Variants in BTG4 observed in about 807,000 individuals in gnomAD.
BTG4 encodes BTG anti-proliferation factor 4.
In BTG4, 10 loss-of-function variants were observed where a neutral mutation model predicts 19.3. That is an observed-to-expected ratio of 0.52 (90% confidence interval 0.32 to 0.88). The LOEUF (loss-of-function observed/expected upper bound fraction) is 0.88, where lower values mean the gene tolerates loss of function less well. BTG4 is among the 40% of genes least tolerant of loss of function. The probability of loss-of-function intolerance (pLI) is 0.04; values close to 1 mark genes in which losing one functional copy is unlikely to be tolerated. For missense variants in BTG4, 238 were observed against 281.9 expected (o/e 0.84, Z 1.11); for synonymous variants, 91 against 95.7 (o/e 0.95, Z 0.29).
chr11:111,481,114 C>G lies in BTG4; in HGVS notation c.663-13433G>C, dbSNP rs567103353. On this transcript the variant is annotated intron_variant, in intron 5 of 5. Transcript: ENST00000356018. ...ATCAAGAATGAATGTAGGGATACCACTGCAGACCTGCAGACACCAAAAGGA... is the reference window on the plus strand; with the variant it reads ...ATCAAGAATGAATGTAGGGATACCAGTGCAGACCTGCAGACACCAAAAGGA... 2.1e-3 allele frequency among the ~76,000 whole-genome samples: 324 copies of G among 151,950 alleles called. 2 individuals carry two copies. The highest frequency in any genetic ancestry group is 6.8e-3 in the African/African-American group (283 of 41,508).
chr11:111,498,679 T>A lies in BTG4; in HGVS notation c.98A>T (p.Lys33Met). 1 of 1,613,892 alleles carries A rather than the reference T, an allele frequency of 6.2e-7. No individual in the cohort carries two copies. The highest frequency in any genetic ancestry group is 8.5e-7 in the Non-Finnish European group (1 of 1,179,956). ...SKQQIEDFAE[K>M]LMTILFETYR... ...TGTTTCAAACAAGATCGTCATCAGC[T>A]TTTCTGCAAAGTCTTCTATTTGCTG... Residue 33 changes from lysine (K) to methionine (M), a missense_variant, in exon 2 of 5, where the codon AAG (lysine) becomes ATG (methionine). Physicochemically the swap from Lys to Met is moderately conservative, Grantham distance 95. Transcript: ENST00000692032.
At chr11:111,412,339 G>A in the BTG4 span, among the ~76,000 whole-genome samples, 7 of 152,034 alleles carry the variant, frequency 4.6e-5, no homozygotes, top group South Asian at 2.1e-4. Context: ...TACAAGAAAC[G>A]AGTTTCTTAA....
chr11:111,474,502 A>T (rs991132222), intron 5 of BTG4, among the ~76,000 whole-genome samples: 1 of 152,174 alleles, frequency 6.6e-6, no homozygotes, highest in African/African-American at 2.4e-5. Flanking sequence ...TGTGGGAGGT[A>T]GTTGTAGTTT....
the BTG4 span, among the ~76,000 whole-genome samples, chr11:111,407,354 T>A: frequency 6.6e-6 from 1 of 151,814 alleles, no homozygotes; most frequent in Admixed American, 6.6e-5. Flanking sequence ...ACAAGGCAGG[T>A]TAGAGAAAGA....
chr11:111,455,510 G>A, the BTG4 span: 1 of 241,840 alleles, frequency 4.1e-6, no homozygotes, highest in Non-Finnish European at 8.6e-6. Context: ...TCGGGAGGCA[G>A]GAGCAGTGGG....
At chr11:111,419,511 A>G in the BTG4 span, among the ~76,000 whole-genome samples, 140,259 of 152,322 alleles carry the variant, frequency 0.92, 64,919 homozygotes, top group East Asian at 1. Context: ...AGGTGTCAAT[A>G]CGGAAGAGAG....
In BTG4 at chr11:111,497,406, A is replaced by T; in HGVS notation, c.315T>A (p.Tyr105Ter). 7.2e-7 allele frequency: 1 copy of T among 1,380,236 alleles called. No individual in the cohort carries two copies. The allele number at this position is 1,380,236 out of a possible 1,614,324, so 85.5% of individuals were successfully genotyped here. Residue 105 changes from tyrosine (Y) to a stop codon, truncating the protein, a stop_gained, in exon 4 of 5, where the codon TAT becomes TAA. Coordinates refer to ENST00000692032, the MANE Select transcript of BTG4 (RefSeq NM_001367975.1). LOFTEE classifies it high-confidence loss of function. The stretch of plus-strand genomic sequence containing the variant: ...CTGTAAATGGATGGTTTTTCTCACC[A>T]TACCTAAGTAGGAAAAGAAATTTAA... Reference protein sequence around the residue: ...WVDPFEVCCRYGEKNHPFTVA... With the variant: ...WVDPFEVCCR
the BTG4 span, among the ~76,000 whole-genome samples, chr11:111,444,098 A>G: frequency 1.3e-5 from 2 of 152,206 alleles, no homozygotes; most frequent in Non-Finnish European, 2.9e-5. Flanking sequence ...TGAACAAAAT[A>G]GGAGAAGTTT....
chr11:111,509,700 A>AAAAAAC (rs150136652), intron 1 of BTG4, among the ~76,000 whole-genome samples: 21 of 151,778 alleles, frequency 1.4e-4, no homozygotes, highest in African/African-American at 2.2e-4. Context: ...CCATCTCAAA[A>AAAAAAC]AAAAACAAAA....
At chr11:111,470,654 C>T (rs1864003879) in intron 5 of BTG4, among the ~76,000 whole-genome samples, 1 of 152,160 alleles carries the variant, frequency 6.6e-6, no homozygotes. Flanking sequence ...CAGTAGTTTA[C>T]ACCTGTAATC....
chr11:111,391,452 T>G, the BTG4 span, among the ~76,000 whole-genome samples: 1 of 152,154 alleles, frequency 6.6e-6, no homozygotes, highest in Non-Finnish European at 1.5e-5. Context: ...AGAATCCTAG[T>G]CTTTTCTTTT....
At chr11:111,418,148 A>G in the BTG4 span, 141 of 151,690 alleles carry the variant, frequency 9.3e-4, no homozygotes, top group African/African-American at 3.3e-3. Context: ...ATATCATAAA[A>G]CCCCATGTCT....
intron 5 of BTG4, among the ~76,000 whole-genome samples, chr11:111,486,859 G>A (rs1865094238): frequency 6.6e-6 from 1 of 152,064 alleles, no homozygotes; most frequent in South Asian, 2.1e-4. Flanking sequence ...TGCAGGACGT[G>A]CAGGTTTGTT....
At chr11:111,423,985 C>T in the BTG4 span, among the ~76,000 whole-genome samples, 1 of 152,138 alleles carries the variant, frequency 6.6e-6, no homozygotes, top group African/African-American at 2.4e-5. Context: ...CTCCCCAGGT[C>T]ACCACAGCCT....
At chr11:111,456,607 A>C in the BTG4 span, 7 of 453,150 alleles carry the variant, frequency 1.5e-5, no homozygotes, top group South Asian at 1.1e-4. This position sits in a 1 kb window ranked among gnomAD's most constrained non-coding sequence, Gnocchi z 4.2. Flanking sequence ...GCTTCCAGCC[A>C]GCGGCCACGC....
the BTG4 span, among the ~76,000 whole-genome samples, chr11:111,458,706 C>T: frequency 6.6e-6 from 1 of 152,014 alleles, no homozygotes. Flanking sequence ...CACCTCCCAC[C>T]GACAGCCCTG....
intron 5 of BTG4, among the ~76,000 whole-genome samples, chr11:111,480,737 A>G (rs1305229776): frequency 6.6e-6 from 1 of 151,966 alleles, no homozygotes; most frequent in African/African-American, 2.4e-5. Context: ...AATAAAAGAT[A>G]CATTGAAATG....
chr11:111,403,206 G>A, the BTG4 span, among the ~76,000 whole-genome samples: 4 of 152,188 alleles, frequency 2.6e-5, no homozygotes, highest in African/African-American at 4.8e-5. Context: ...TCAAAGTAGA[G>A]CCTCAGGTTA....
the BTG4 span, among the ~76,000 whole-genome samples, chr11:111,434,512 G>A: frequency 3.4e-4 from 52 of 151,774 alleles, 1 homozygote; most frequent in African/African-American, 1.1e-3. Context: ...AAACCTGCAC[G>A]TTGTGCACAT....
Sources: gnomAD v4.1 joint callset for allele counts (sites outside exome capture counted in the v4.1 genomes callset) on GRCh38, gnomAD v4.1.1 for gene constraint, Gnocchi (gnomAD v3.1) non-coding constraint, MANE v1.5 for transcripts, NCBI Gene and HGNC (gene_info 2026-07-23, HGNC 2026-07-21) for gene names.